The following MAST4 variants were observed in gnomAD, a reference collection of about 807,000 sequenced individuals.
MAST4 encodes the protein microtubule-associated serine/threonine-protein kinase 4.
Under a neutral mutation model 162.7 loss-of-function variants are expected in MAST4, and 89 were observed. That is an observed-to-expected ratio of 0.55 (90% CI 0.46 to 0.65). The LOEUF is 0.65. MAST4 is among the 30% of genes least tolerant of loss of function. The pLI is 0.00. For missense variants in MAST4, 3,153 were observed against 3,374.0 expected (o/e 0.93, Z 1.62); for synonymous variants, 1,479 against 1,361.1 (o/e 1.09, Z -1.91).
chr5:66,777,022 G>C (rs1007698632), intron 2 of MAST4, among the ~76,000 whole-genome samples: 1 of 152,212 alleles, frequency 6.6e-6, no homozygotes, highest in South Asian at 2.1e-4. Flanking sequence ...TCTGTGTTCA[G>C]TTTTGTGCTG....
chr5:66,793,777 C>T (rs1481616187), intron 3 of MAST4, among the ~76,000 whole-genome samples: 1 of 152,188 alleles, frequency 6.6e-6, no homozygotes, highest in East Asian at 1.9e-4. Flanking sequence ...TTGAGGTTTT[C>T]CTTGACCATC....
intron 3 of MAST4, among the ~76,000 whole-genome samples, chr5:66,896,738 C>G (rs977102586): frequency 6.6e-6 from 1 of 152,126 alleles, no homozygotes; most frequent in Non-Finnish European, 1.5e-5. Flanking sequence ...GTTTTCTCCC[C>G]TGTCTTCATG....
intron 1 of MAST4, among the ~76,000 whole-genome samples, chr5:66,682,942 G>A (rs1212126535): frequency 6.6e-6 from 1 of 152,140 alleles, no homozygotes; most frequent in African/African-American, 2.4e-5. Context: ...TTGTTCTTTG[G>A]CTGTCCTCTT....
intron 3 of MAST4, among the ~76,000 whole-genome samples, chr5:66,826,499 C>T (rs571101022): frequency 1.8e-4 from 28 of 152,198 alleles, no homozygotes; most frequent in Admixed American, 5.2e-4. Flanking sequence ...CTAGCTTACA[C>T]GATTGGTCAC....
Position 66,974,428 on chromosome 5 carries a change from A to G in MAST4, c.674+74446A>G, listed in dbSNP as rs535142295. The stretch of plus-strand genomic sequence containing the variant: ...TTTCTATTTCATGACACTGAGATGA[A>G]TCAGACTGACTGCAAGGGGTTTACA... On this transcript the variant is annotated intron_variant, in intron 4 of 28. Transcript: ENST00000403625. Among the ~76,000 whole-genome samples, 3 of 152,352 alleles carry G rather than the reference A, an allele frequency of 2.0e-5. No individual in the cohort carries two copies. In the South Asian group the frequency reaches 6.2e-4, roughly 32 times the overall value.
intron 2 of MAST4, among the ~76,000 whole-genome samples, chr5:66,763,110 G>C (rs1421120381): frequency 6.6e-6 from 1 of 152,134 alleles, no homozygotes. Flanking sequence ...ACTTCCTTGA[G>C]GTCACAGTCC....
chr5:67,079,314 A>G (rs948729558), intron 5 of MAST4, among the ~76,000 whole-genome samples: 1 of 152,164 alleles, frequency 6.6e-6, no homozygotes, highest in African/African-American at 2.4e-5. Context: ...CTAACACAGA[A>G]AGTTATAGAT....
At chr5:67,143,011 G>A (rs1770600090) in intron 21 of MAST4, 1 of 156,684 alleles carries the variant, frequency 6.4e-6, no homozygotes, top group African/African-American at 2.4e-5. Flanking sequence ...TGAAGAGCGC[G>A]AGCTTCACTG....
At chr5:66,906,935 A>G (rs1243280739) in intron 4 of MAST4, among the ~76,000 whole-genome samples, 1 of 152,158 alleles carries the variant, frequency 6.6e-6, no homozygotes. Flanking sequence ...TAGGACTACA[A>G]AGCAGGGGAA....
chr5:66,801,224 G>A (rs1755903360), intron 3 of MAST4, among the ~76,000 whole-genome samples: 1 of 152,136 alleles, frequency 6.6e-6, no homozygotes, highest in Admixed American at 6.5e-5. Context: ...CTAGGAAACC[G>A]TTAGAGAGGA....
chr5:66,956,446 T>G (rs1417685298), intron 4 of MAST4, among the ~76,000 whole-genome samples: 1 of 152,182 alleles, frequency 6.6e-6, no homozygotes, highest in Non-Finnish European at 1.5e-5. Flanking sequence ...CTTTAGAGTC[T>G]ACAAAATTTT....
intron 3 of MAST4, among the ~76,000 whole-genome samples, chr5:66,814,734 A>G (rs572606508): frequency 1.3e-5 from 2 of 152,318 alleles, no homozygotes; most frequent in East Asian, 1.9e-4. Context: ...TGCTAAGTCA[A>G]CTGGGGGAAG....
At chr5:67,158,394 G>A (rs1486587110) in intron 26 of MAST4, among the ~76,000 whole-genome samples, 1 of 152,058 alleles carries the variant, frequency 6.6e-6, no homozygotes. Flanking sequence ...AGGTATGAAA[G>A]TATATTGTCT....
rs1561200607 is a variant in MAST4 at position 67,163,976 on chromosome 5, G to T, written c.4797G>T (p.Leu1599=). ...CGTCTATGCAGGAGGCGCCACCGCT[G>T]GGCAGCCTGCTGAAGGATGCTCTTC... ...NKASMQEAPP[L]GSLLKDALHK... is the part of the protein sequence containing the mutation. Residue 1599 remains leucine, a synonymous_variant, in exon 29 of 29, where the codon CTG becomes CTT. Transcript: ENST00000403625. This position sits in a 1 kb window ranked among gnomAD's most constrained non-coding sequence, Gnocchi z 7.0. The T allele has an allele frequency of 1.2e-6, 2 of 1,608,516 alleles. No individual in the cohort carries two copies. Among genetic ancestry groups the T allele is most frequent in the Non-Finnish European group, 8.5e-7 (1 of 1,177,584 alleles).
Position 67,152,923 on chromosome 5 carries a change from G to A in MAST4, c.3525+57G>A, listed in dbSNP as rs533459186. 2.9e-6 allele frequency: 4 copies of A among 1,402,644 alleles called. No homozygotes were observed. In the African/African-American group the frequency reaches 4.3e-5, roughly 15 times the overall value. The allele number at this position is 1,402,644 out of a possible 1,614,324, so 86.9% of individuals were successfully genotyped here. On this transcript the variant is annotated intron_variant, in intron 25 of 28. Transcript: ENST00000403625. Reference sequence around the variant, plus strand: ...TTCATTTCCAGCCAAGCTGGAGAGTGGATAGGTTGGCTGATAAATAGCAAA... The same window carrying A: ...TTCATTTCCAGCCAAGCTGGAGAGTAGATAGGTTGGCTGATAAATAGCAAA...
intron 3 of MAST4, among the ~76,000 whole-genome samples, chr5:66,836,281 A>G (rs1757964816): frequency 6.6e-6 from 1 of 152,206 alleles, no homozygotes; most frequent in African/African-American, 2.4e-5. Context: ...TGTACAGATC[A>G]TTTAAAATAT....
At chr5:67,038,737 A>T (rs993233558) in intron 4 of MAST4, among the ~76,000 whole-genome samples, 16 of 152,166 alleles carry the variant, frequency 1.1e-4, no homozygotes, top group South Asian at 4.1e-4. Context: ...GATTTTTTTT[A>T]AAAAATAAAA....
chr5:66,861,974 TGAGA>T (rs1358869569), intron 3 of MAST4, among the ~76,000 whole-genome samples: 1 of 152,134 alleles, frequency 6.6e-6, no homozygotes, highest in Non-Finnish European at 1.5e-5. Flanking sequence ...AACTGCCAGA[TGAGA>T]GAGAGTTCAG....
chr5:66,817,222 C>T (rs539401481), intron 3 of MAST4, among the ~76,000 whole-genome samples: 2 of 152,316 alleles, frequency 1.3e-5, no homozygotes, highest in South Asian at 2.1e-4. Context: ...TAGTGATTGG[C>T]TTTTGAATCA....
Sources: gnomAD v4.1 joint callset for allele counts (sites outside exome capture counted in the v4.1 genomes callset) on GRCh38, gnomAD v4.1.1 for gene constraint, Gnocchi (gnomAD v3.1) non-coding constraint, MANE v1.5 for transcripts, NCBI Gene and HGNC (gene_info 2026-07-23, HGNC 2026-07-21) for gene names.